Variants in SLAMF1 observed in about 807,000 individuals in gnomAD.
SLAMF1 encodes signaling lymphocytic activation molecule family member 1.
SLAMF1 carries 18 observed loss-of-function variants against 35.1 expected under a neutral mutation model. That is an observed-to-expected ratio of 0.51 (90% CI 0.35 to 0.76). SLAMF1 has a LOEUF of 0.76. Among genes scored for constraint, SLAMF1 ranks in the 30% least tolerant of loss-of-function variants. The probability of loss-of-function intolerance (pLI) is 0.01; values close to 1 mark genes in which losing one functional copy is unlikely to be tolerated. For synonymous variants in SLAMF1, 168 were observed against 157.2 expected (o/e 1.07, Z -0.51); for missense variants, 392 against 413.0 (o/e 0.95, Z 0.44).
chr1:160,629,590 T>C (rs539792193), intron 3 of SLAMF1, among the ~76,000 whole-genome samples: 19 of 152,162 alleles, frequency 1.2e-4, no homozygotes, highest in Middle Eastern at 3.2e-3. Flanking sequence ...CTAATTTAAG[T>C]TCTGGGACCA....
At chr1:160,620,804 T>C (rs1018174462) in intron 4 of SLAMF1, among the ~76,000 whole-genome samples, 1 of 152,212 alleles carries the variant, frequency 6.6e-6, no homozygotes, top group Non-Finnish European at 1.5e-5. Context: ...CAGTGTCTAA[T>C]ACAGCTTACA....
intron 2 of SLAMF1, 158 bp downstream of exon 2, chr1:160,637,033 A>G: frequency 1.6e-6 from 1 of 611,106 alleles, no homozygotes; most frequent in Non-Finnish European, 2.9e-6. Flanking sequence ...CAACCTTTAA[A>G]ACGTCTTCCA....
At chr1:160,637,112 C>T in intron 2 of SLAMF1, 79 bp downstream of exon 2, 1 of 936,604 alleles carries the variant, frequency 1.1e-6, no homozygotes, top group South Asian at 1.4e-5. Flanking sequence ...ATACCCTTTG[C>T]TTTTAAGAGA....
intron 4 of SLAMF1, among the ~76,000 whole-genome samples, chr1:160,622,560 ATCTG>A (rs1356220952): frequency 1.3e-5 from 2 of 152,120 alleles, no homozygotes; most frequent in Non-Finnish European, 2.9e-5. Context: ...AGATCTGTCT[ATCTG>A]TCTATGTATC....
chr1:160,631,668 A>AAGAGAG (rs763080531), intron 3 of SLAMF1, among the ~76,000 whole-genome samples: 1 of 151,300 alleles, frequency 6.6e-6, no homozygotes, highest in Admixed American at 6.6e-5. Flanking sequence ...AGGAAAGAGA[A>AAGAGAG]AGAGAGAGAG....
At position 160,637,303 on chromosome 1, in the gene SLAMF1, C is replaced by G. The variant is rs750388158; in HGVS notation, c.303G>C (p.Glu101Asp). 1.2e-6 allele frequency: 2 copies of G among 1,613,888 alleles called. No homozygotes were observed. Among genetic ancestry groups the G allele is most frequent in the Admixed American group, 3.3e-5 (2 of 60,012 alleles). ...YLGDRYKFYL[E>D]NLTLGIRESR... The stretch of plus-strand genomic sequence containing the variant: ...TTTCCCGTATCCCCAGGGTGAGATT[C>G]TCCAGATAAAACTTGTAGCGATCTC... The change falls in exon 2 of 7, where the codon GAG (glutamate) becomes GAC (aspartate). Residue 101 changes from glutamate to aspartate, a missense_variant. Coordinates refer to ENST00000302035, the MANE Select transcript of SLAMF1 (RefSeq NM_003037.5).
chr1:160,643,371 G>A (rs1660860478), intron 1 of SLAMF1, among the ~76,000 whole-genome samples: 1 of 152,182 alleles, frequency 6.6e-6, no homozygotes, highest in South Asian at 2.1e-4. Context: ...TGCTTAGGAA[G>A]ATAGTGACTC....
chr1:160,644,048 GA>G (rs1172735500), intron 1 of SLAMF1, among the ~76,000 whole-genome samples: 1 of 152,134 alleles, frequency 6.6e-6, no homozygotes, highest in Non-Finnish European at 1.5e-5. Context: ...TTTGCATGAT[GA>G]AAAAAAGTTT....
chr1:160,645,259 T>A (rs1471120069), intron 1 of SLAMF1, among the ~76,000 whole-genome samples: 1 of 152,212 alleles, frequency 6.6e-6, no homozygotes, highest in African/African-American at 2.4e-5. Context: ...AAATCTGTCA[T>A]GACTAACCTG....
At chr1:160,646,416 C>T (rs192161660) in intron 1 of SLAMF1, among the ~76,000 whole-genome samples, 352 of 152,312 alleles carry the variant, frequency 2.3e-3, no homozygotes, top group Non-Finnish European at 3.9e-3. Context: ...TCTGTTGACC[C>T]ATGCTCCTGG....
intron 2 of SLAMF1, chr1:160,636,978 T>C: frequency 8.7e-6 from 5 of 571,724 alleles, no homozygotes; most frequent in Non-Finnish European, 1.6e-5. Context: ...GAGTAACTAA[T>C]GCTTAATCAG....
rs181812730 is a variant in SLAMF1, at chr1:160,620,443, C to A, written c.791-594G>T. Among the ~76,000 whole-genome samples, 3 of 152,188 alleles carry A rather than the reference C, an allele frequency of 2.0e-5. No homozygotes were observed. In the East Asian group the frequency reaches 5.8e-4, roughly 29 times the overall value. The stretch of plus-strand genomic sequence containing the variant: ...AGCAACAATGTCATTCTGTTGCCCA[C>A]CATCTGGAAATTTTGCTCAGGGCCT... On this transcript the variant is annotated intron_variant, in intron 4 of 6. Transcript: ENST00000302035.
chr1:160,640,700 G>C (rs1024184225), intron 1 of SLAMF1, among the ~76,000 whole-genome samples: 3 of 152,118 alleles, frequency 2.0e-5, no homozygotes, highest in Non-Finnish European at 4.4e-5. Flanking sequence ...TAGTAGACTA[G>C]AGATTCAGTG....
At chr1:160,636,999 T>C (rs557775686) in intron 2 of SLAMF1, 192 bp downstream of exon 2, 1 of 590,204 alleles carries the variant, frequency 1.7e-6, no homozygotes, top group East Asian at 2.8e-5. Flanking sequence ...CTACCATCAA[T>C]ATGCAATTTG....
At chr1:160,617,167 T>TAA (rs997766216) in intron 5 of SLAMF1, among the ~76,000 whole-genome samples, 48 of 148,476 alleles carry the variant, frequency 3.2e-4, no homozygotes, top group East Asian at 9.8e-4. Flanking sequence ...AAAAAAAATT[T>TAA]AAAAAAAAAA....
intron 5 of SLAMF1, among the ~76,000 whole-genome samples, chr1:160,614,589 A>G (rs752199655): frequency 1.3e-5 from 2 of 151,406 alleles, no homozygotes; most frequent in African/African-American, 2.4e-5. Flanking sequence ...AAAAAAAAAA[A>G]AAGAAGAGAG....
At position 160,609,500 on chromosome 1, in the gene SLAMF1, G is replaced by C. The variant is rs533904383; in HGVS notation, c.*1248C>G. 6.6e-6 allele frequency: 1 copy of C among 152,274 alleles called. No individual in the cohort carries two copies. The highest frequency in any genetic ancestry group is 1.9e-4 in the East Asian group (1 of 5,188). 9.4% of individuals were successfully genotyped at this position (152,274 alleles called of 1,614,324 possible). A position where few individuals can be genotyped will look rare whatever the true frequency, so the allele number is the denominator to read the frequency against. Reference sequence around the variant, plus strand: ...GACCTGAGTTTTGAGCTGGGAAGTTGGTGCTCCTTATTATGCAATGGTATG... The same window carrying C: ...GACCTGAGTTTTGAGCTGGGAAGTTCGTGCTCCTTATTATGCAATGGTATG... On this transcript the variant is annotated 3_prime_UTR_variant, in exon 7 of 7. Coordinates refer to ENST00000302035, the MANE Select transcript of SLAMF1 (RefSeq NM_003037.5).
chr1:160,631,948 T>C (rs1031992934), intron 3 of SLAMF1, among the ~76,000 whole-genome samples: 2 of 151,810 alleles, frequency 1.3e-5, no homozygotes, highest in South Asian at 2.1e-4. Context: ...AAGAGGAAAT[T>C]TGGACACAGA....
intron 4 of SLAMF1, among the ~76,000 whole-genome samples, chr1:160,622,656 T>C (rs1046273397): frequency 1.3e-5 from 2 of 152,322 alleles, no homozygotes; most frequent in African/African-American, 4.8e-5. Flanking sequence ...GATACCAATC[T>C]CCACCACAAT....
Sources: gnomAD v4.1 joint callset for allele counts (sites outside exome capture counted in the v4.1 genomes callset) on GRCh38, gnomAD v4.1.1 for gene constraint, MANE v1.5 for transcripts, NCBI Gene and HGNC (gene_info 2026-07-23, HGNC 2026-07-21) for gene names.